PAPPA2: variants seen among roughly 807,000 people sequenced by gnomAD.
PAPPA2 encodes pappalysin-2.
Under a neutral mutation model 176.4 loss-of-function variants are expected in PAPPA2, and 86 were observed. That is an observed-to-expected ratio of 0.49 (90% confidence interval 0.41 to 0.58). PAPPA2 has a LOEUF of 0.58. Ranked by LOEUF, PAPPA2 falls within the 20% of genes least tolerant of loss-of-function variation. PAPPA2 has a pLI of 0.00. For missense variants in PAPPA2, 2,073 were observed against 2,256.9 expected (o/e 0.92, Z 1.65); for synonymous variants, 809 against 852.2 (o/e 0.95, Z 0.88).
At chr1:176,820,808 G>A (rs1051884047) in intron 21 of PAPPA2, among the ~76,000 whole-genome samples, 2 of 150,514 alleles carry the variant, frequency 1.3e-5, no homozygotes, top group Admixed American at 6.6e-5. Context: ...GGAAAAAAAA[G>A]TAAAAGAAAA....
intron 3 of PAPPA2, among the ~76,000 whole-genome samples, chr1:176,634,325 C>T (rs75462836): frequency 1.1e-3 from 167 of 151,454 alleles, no homozygotes; most frequent in African/African-American, 3.9e-3. Flanking sequence ...TCATTCTCAG[C>T]GAACTATGGC....
At chr1:176,745,055 C>T (rs1662845108) in intron 14 of PAPPA2, among the ~76,000 whole-genome samples, 3 of 152,166 alleles carry the variant, frequency 2.0e-5, no homozygotes, top group Admixed American at 2.0e-4. Flanking sequence ...TTATTTTTTG[C>T]CAATCAGGTG....
chr1:176,639,814 G>A (rs1656962458), intron 3 of PAPPA2, among the ~76,000 whole-genome samples: 1 of 151,116 alleles, frequency 6.6e-6, no homozygotes, highest in Admixed American at 6.6e-5. Flanking sequence ...AGGAATGCTG[G>A]GTTAAATAAT....
intron 21 of PAPPA2, among the ~76,000 whole-genome samples, chr1:176,834,705 C>T (rs111933254): frequency 0.021 from 3,199 of 152,272 alleles, 47 homozygotes; most frequent in Non-Finnish European, 0.029. Context: ...TGTGGTGGCT[C>T]ACGCCTGTAA....
intron 1 of PAPPA2, among the ~76,000 whole-genome samples, chr1:176,543,708 C>T (rs1043401425): frequency 6.6e-6 from 1 of 152,186 alleles, no homozygotes; most frequent in African/African-American, 2.4e-5. Flanking sequence ...AATTGTCTGT[C>T]AGGGATTCTA....
At chr1:176,721,175 T>G (rs1661597516) in intron 12 of PAPPA2, among the ~76,000 whole-genome samples, 1 of 152,324 alleles carries the variant, frequency 6.6e-6, no homozygotes, top group South Asian at 2.1e-4. Flanking sequence ...ACCATCACAG[T>G]GAGCTATACT....
chr1:176,708,865 C>T (rs114653686), intron 10 of PAPPA2, among the ~76,000 whole-genome samples: 2,171 of 152,176 alleles, frequency 0.014, 26 homozygotes, highest in African/African-American at 0.035. Context: ...TTTAGTAATG[C>T]TCTTATTGAA....
chr1:176,560,208 T>A (rs1331036331), intron 2 of PAPPA2, among the ~76,000 whole-genome samples: 1 of 152,206 alleles, frequency 6.6e-6, no homozygotes, highest in Non-Finnish European at 1.5e-5. Flanking sequence ...AGTGACATTT[T>A]TGGGGTTGTG....
intron 14 of PAPPA2, among the ~76,000 whole-genome samples, chr1:176,757,296 T>C (rs1269019240): frequency 6.6e-6 from 1 of 152,234 alleles, no homozygotes; most frequent in Non-Finnish European, 1.5e-5. Context: ...TCTTCCACAA[T>C]GGTTAAACTA....
intron 1 of PAPPA2, among the ~76,000 whole-genome samples, chr1:176,523,243 C>A (rs10913193): frequency 0.17 from 26,281 of 152,062 alleles, 2,442 homozygotes; most frequent in Middle Eastern, 0.28. Context: ...TGATACCAGC[C>A]TTTTCCCACT....
chr1:176,558,241 A>T (rs1468037535), intron 2 of PAPPA2, among the ~76,000 whole-genome samples: 1 of 152,200 alleles, frequency 6.6e-6, no homozygotes, highest in East Asian at 1.9e-4. Context: ...GTGCTCTTTC[A>T]TGTTTTCCAG....
chr1:176,510,538 A>G (rs568671305), intron 1 of PAPPA2, among the ~76,000 whole-genome samples: 1 of 152,292 alleles, frequency 6.6e-6, no homozygotes, highest in African/African-American at 2.4e-5. Flanking sequence ...GACATTCTTG[A>G]GGAAGAAATT....
chr1:176,745,219 A>G (rs1035960477), intron 14 of PAPPA2, among the ~76,000 whole-genome samples: 1 of 152,172 alleles, frequency 6.6e-6, no homozygotes, highest in Non-Finnish European at 1.5e-5. Context: ...TAGATAGACA[A>G]TGCAGGAGGA....
At position 176,843,905 on chromosome 1, in the gene PAPPA2, A is replaced by C. The variant is rs1326451480; in HGVS notation, c.*1451A>C. ...GCAAGCCATGGAAATGCATGGAGCA[A>C]GGGTGACACTCTGTGGGGAGACAGA... On this transcript the variant is annotated 3_prime_UTR_variant, in exon 23 of 23. Coordinates refer to ENST00000367662, the MANE Select transcript of PAPPA2 (RefSeq NM_020318.3). 1.3e-5 allele frequency: 2 copies of C among 152,188 alleles called. No individual in the cohort carries two copies. Among genetic ancestry groups the C allele is most frequent in the African/African-American group, 4.8e-5 (2 of 41,454 alleles). 9.4% of individuals were successfully genotyped at this position (152,188 alleles called of 1,614,324 possible).
rs527493289 is a variant in PAPPA2, at chr1:176,784,282, G to A, written c.4716-5527G>A. Among the ~76,000 whole-genome samples, 45 of 152,270 alleles carry A rather than the reference G, an allele frequency of 3.0e-4. No individual in the cohort carries two copies. In the South Asian group the frequency reaches 9.1e-3, roughly 31 times the overall value. On this transcript the variant is annotated intron_variant, in intron 17 of 22. Transcript: ENST00000367662. ...ATTCACTTCATGACTTCAAGGAGTC[G>A]TTTGGTTCCTGATGCATAGGCCATA... is the stretch of plus-strand genomic sequence containing the variant.
intron 2 of PAPPA2, among the ~76,000 whole-genome samples, chr1:176,577,805 C>T (rs1047412753): frequency 6.6e-6 from 1 of 152,050 alleles, no homozygotes; most frequent in Non-Finnish European, 1.5e-5. Context: ...GACCTTGCCT[C>T]GTAGCTTGTT....
chr1:176,662,857 G>A (rs182123606), intron 3 of PAPPA2, among the ~76,000 whole-genome samples: 125 of 152,228 alleles, frequency 8.2e-4, no homozygotes, highest in African/African-American at 2.9e-3. Flanking sequence ...AGTGTTATCA[G>A]CCTGGGCTAT....
intron 21 of PAPPA2, among the ~76,000 whole-genome samples, chr1:176,825,137 C>T (rs1281951126): frequency 1.3e-5 from 2 of 152,182 alleles, no homozygotes; most frequent in Admixed American, 6.5e-5. Flanking sequence ...ACCTCCTTTT[C>T]CTGACAGGAT....
intron 1 of PAPPA2, among the ~76,000 whole-genome samples, chr1:176,528,121 C>T (rs1649596766): frequency 6.6e-6 from 1 of 152,124 alleles, no homozygotes; most frequent in Non-Finnish European, 1.5e-5. Flanking sequence ...ATGGACCCTG[C>T]ATTCAAATGG....
Sources: gnomAD v4.1 joint callset for allele counts (sites outside exome capture counted in the v4.1 genomes callset) on GRCh38, gnomAD v4.1.1 for gene constraint, MANE v1.5 for transcripts, NCBI Gene and HGNC (gene_info 2026-07-23, HGNC 2026-07-21) for gene names.